The following USP31 variants were observed in gnomAD, a reference collection of about 807,000 sequenced individuals.
USP31 encodes ubiquitin specific peptidase 31, also known as ubiquitin carboxyl-terminal hydrolase 31.
In USP31, 44 loss-of-function variants were observed where a neutral mutation model predicts 119.4. The observed-to-expected ratio is 0.37, with a 90% CI of 0.29 to 0.47. The LOEUF (loss-of-function observed/expected upper bound fraction) is 0.47. Among genes scored for constraint, USP31 ranks in the 20% least tolerant of loss-of-function variants. USP31 has a pLI of 0.99. For synonymous variants in USP31, 749 were observed against 705.6 expected, an observed-to-expected ratio of 1.06 and a Z score of -0.97; for missense variants, 1,643 against 1,730.2, an observed-to-expected ratio of 0.95 and a Z score of 0.89.
intron 14 of USP31, 105 bp downstream of exon 14, chr16:23,073,617 G>GATC: frequency 7.4e-7 from 1 of 1,358,450 alleles, no homozygotes; most frequent in Non-Finnish European, 1.0e-6. Context: ...GGATTCATCT[G>GATC]ATCAAACTGA....
chr16:23,061,932 T>C lies in USP31; in HGVS notation c.*6114A>G, dbSNP rs1337947192. ...ACCTCTATGGAATGCAAACACGTAT[T>C]TGAAAGGCCTACAAAGAGAACTCCA... On this transcript the variant is annotated 3_prime_UTR_variant, in exon 16 of 16. Coordinates refer to ENST00000219689, the MANE Select transcript of USP31 (RefSeq NM_020718.4). 6 of 152,680 alleles carry C rather than the reference T, an allele frequency of 3.9e-5. No individual in the cohort carries two copies. 9.5% of individuals were successfully genotyped at this position (152,680 alleles called of 1,614,324 possible).
intron 7 of USP31, among the ~76,000 whole-genome samples, chr16:23,089,120 C>T (rs1365565312): frequency 2.0e-5 from 3 of 152,192 alleles, no homozygotes; most frequent in Non-Finnish European, 4.4e-5. Flanking sequence ...TCCACAGGTT[C>T]TTTACTTCAT....
chr16:23,092,262 A>C (rs1372186211), intron 6 of USP31, among the ~76,000 whole-genome samples: 2 of 152,248 alleles, frequency 1.3e-5, no homozygotes, highest in Non-Finnish European at 2.9e-5. Flanking sequence ...CTTTGGATTC[A>C]CCAAATTCAC....
intron 6 of USP31, among the ~76,000 whole-genome samples, chr16:23,098,574 C>T (rs1372876977): frequency 6.6e-6 from 1 of 152,136 alleles, no homozygotes; most frequent in African/African-American, 2.4e-5. Flanking sequence ...TCAAACTATA[C>T]TACAAGGCTA....
intron 1 of USP31, among the ~76,000 whole-genome samples, chr16:23,124,444 A>G (rs1902780408): frequency 6.6e-6 from 1 of 152,220 alleles, no homozygotes; most frequent in South Asian, 2.1e-4. Flanking sequence ...TCACTGTGTT[A>G]TTCAACGACG....
chr16:23,117,664 A>G (rs532452006), intron 1 of USP31, among the ~76,000 whole-genome samples: 6 of 152,354 alleles, frequency 3.9e-5, no homozygotes, highest in Non-Finnish European at 5.9e-5. Flanking sequence ...ACTTTCTGCT[A>G]GAAACTATGC....
At chr16:23,112,253 A>T (rs1027237254) in intron 1 of USP31, among the ~76,000 whole-genome samples, 36 of 152,160 alleles carry the variant, frequency 2.4e-4, no homozygotes, top group African/African-American at 8.4e-4. Context: ...CTTTTTTCTC[A>T]GTCTTCATGT....
chr16:23,137,078 G>A lies in USP31; in HGVS notation c.633+11560C>T, dbSNP rs1903216324. Reference sequence around the variant, plus strand: ...AACACAAAAATTAGCCAGGCATAGTGGCACGCACCTGTAGTCTGAGCTACT... The same window carrying A: ...AACACAAAAATTAGCCAGGCATAGTAGCACGCACCTGTAGTCTGAGCTACT... On this transcript the variant is annotated intron_variant, in intron 1 of 15. Transcript: ENST00000219689. Among the ~76,000 whole-genome samples the A allele has an allele frequency of 3.3e-5, 5 of 152,220 alleles. No individual in the cohort carries two copies. The Middle Eastern group carries it at 0.014, about 414-fold the overall frequency.
chr16:23,090,622 A>C lies in USP31; in HGVS notation c.1415+2T>G. 6.2e-7 allele frequency: 1 copy of C among 1,601,486 alleles called. No homozygotes were observed. Among genetic ancestry groups the C allele is most frequent in the Non-Finnish European group, 8.5e-7 (1 of 1,170,280 alleles). On this transcript the variant is annotated splice_donor_variant, in intron 7 of 15. Coordinates refer to ENST00000219689, the MANE Select transcript of USP31 (RefSeq NM_020718.4). LOFTEE classifies it high-confidence loss of function. ...CTTACTGGAAAATAATCTGGTTCTC[A>C]CCTTTTCCCTTGTTGCCCAGTGCAG...
chr16:23,111,831 T>C (rs1273152649), intron 1 of USP31, among the ~76,000 whole-genome samples: 1 of 152,054 alleles, frequency 6.6e-6, no homozygotes, highest in Non-Finnish European at 1.5e-5. Flanking sequence ...TGATCAACAG[T>C]GTGAAATGTT....
intron 1 of USP31, among the ~76,000 whole-genome samples, chr16:23,146,251 G>C (rs1336014713): frequency 1.5e-5 from 2 of 136,496 alleles, no homozygotes; most frequent in African/African-American, 5.3e-5. Context: ...GGGGGCGGGG[G>C]GTGGACCTAC....
intron 1 of USP31, among the ~76,000 whole-genome samples, chr16:23,143,202 G>A (rs893048693): frequency 1.3e-5 from 2 of 152,188 alleles, no homozygotes; most frequent in African/African-American, 4.8e-5. Flanking sequence ...AAATCTGGAA[G>A]GAGTCCCCAC....
rs1432694207 is a variant in USP31 at position 23,067,730 on chromosome 16, T to C, written c.*316A>G. 1 of 202,280 alleles carries C rather than the reference T, an allele frequency of 4.9e-6. No homozygotes were observed. Among genetic ancestry groups the C allele is most frequent in the African/African-American group, 2.3e-5 (1 of 42,842 alleles). 12.5% of individuals were successfully genotyped at this position (202,280 alleles called of 1,614,324 possible). A position where few individuals can be genotyped will look rare whatever the true frequency, so the allele number is the denominator to read the frequency against. On this transcript the variant is annotated 3_prime_UTR_variant, in exon 16 of 16. Coordinates refer to ENST00000219689, the MANE Select transcript of USP31 (RefSeq NM_020718.4). The stretch of plus-strand genomic sequence containing the variant: ...TCAAAACCCTCATATCCAAAGAAAG[T>C]CATTAGAGTTCTCTAGAAAGAAATA...
chr16:23,143,591 G>GC (rs374242438), intron 1 of USP31, among the ~76,000 whole-genome samples: 8 of 151,136 alleles, frequency 5.3e-5, no homozygotes, highest in Non-Finnish European at 1.2e-4. Context: ...AGGTTGGGGG[G>GC]GGGGAGAGAG....
chr16:23,087,456 A>T (rs1411637730), intron 8 of USP31, among the ~76,000 whole-genome samples: 3 of 152,246 alleles, frequency 2.0e-5, no homozygotes, highest in Non-Finnish European at 2.9e-5. Context: ...GGATACCTTA[A>T]CATAGTAATA....
intron 1 of USP31, among the ~76,000 whole-genome samples, chr16:23,108,669 G>A (rs1902204416): frequency 6.6e-6 from 1 of 152,136 alleles, no homozygotes; most frequent in Admixed American, 6.5e-5. Flanking sequence ...ATTTAGGGGG[G>A]TGTAGACATA....
intron 14 of USP31, 39 bp from the exon 15 acceptor site, chr16:23,072,236 T>C: frequency 6.3e-7 from 1 of 1,580,792 alleles, no homozygotes; most frequent in South Asian, 1.1e-5. Context: ...CAGGCTGGGG[T>C]CCCTCGGCCA....
Position 23,149,147 on chromosome 16 carries a change from C to T in USP31, c.124G>A (p.Gly42Arg). ...GAAGGCGCGGCCGGCCCGGACGCCC[C>T]GGGGCCCCCCGCGCCGCCGCCGCCA... ...RAGGGGAGGP[G>R]ASGPAAPSSP... The change falls in exon 1 of 16, where the codon GGG becomes AGG. Residue 42 changes from glycine (G) to arginine (R), a missense_variant. By Grantham distance (125) the Gly-to-Arg change is moderately radical. Coordinates refer to ENST00000219689, the MANE Select transcript of USP31 (RefSeq NM_020718.4). 1 of 1,183,250 alleles carries T rather than the reference C, an allele frequency of 8.5e-7. No homozygotes were observed. Among genetic ancestry groups the T allele is most frequent in the Non-Finnish European group, 1.1e-6 (1 of 949,982 alleles). 73.3% of individuals were successfully genotyped at this position (1,183,250 alleles called of 1,614,324 possible).
chr16:23,118,635 C>T lies in USP31; in HGVS notation c.634-10452G>A, dbSNP rs78925987. On this transcript the variant is annotated intron_variant, in intron 1 of 15. Transcript: ENST00000219689. Reference sequence around the variant, plus strand: ...TTTTATTCATATCTCTAGGACATACCATCTCACATGTATCACTAGACAGTG... The same window carrying T: ...TTTTATTCATATCTCTAGGACATACTATCTCACATGTATCACTAGACAGTG... 6.5e-3 allele frequency among the ~76,000 whole-genome samples: 996 copies of T among 152,204 alleles called. 4 individuals carry two copies. The highest frequency in any genetic ancestry group is 0.011 in the Non-Finnish European group (778 of 68,010).
Sources: allele counts gnomAD v4.1 joint callset (sites outside exome capture counted in the v4.1 genomes callset), GRCh38; gene constraint gnomAD v4.1.1; transcripts MANE v1.5; gene names NCBI Gene and HGNC (gene_info 2026-07-23, HGNC 2026-07-21).